NFYC: variants seen among roughly 807,000 people sequenced by gnomAD.
NFYC encodes nuclear transcription factor Y subunit gamma, also known as CAAT box DNA-binding protein subunit C.
A neutral mutation model predicts 53.1 loss-of-function variants in NFYC; 25 were observed. That is an observed-to-expected ratio of 0.47 (90% CI 0.34 to 0.66). NFYC has a LOEUF of 0.66. Among genes scored for constraint, NFYC ranks in the 30% least tolerant of loss-of-function variants. NFYC has a pLI of 0.01. For synonymous variants in NFYC, 145 were observed against 152.6 expected (o/e 0.95, Z 0.37); for missense variants, 260 against 422.7 (o/e 0.62, Z 3.38).
At chr1:40,765,786 G>C (rs1394993518) in intron 7 of NFYC, among the ~76,000 whole-genome samples, 1 of 152,166 alleles carries the variant, frequency 6.6e-6, no homozygotes, top group Non-Finnish European at 1.5e-5. Flanking sequence ...TTCATCCCCA[G>C]CTCAAAACAC....
chr1:40,738,272 A>G (rs1276854008), intron 1 of NFYC, among the ~76,000 whole-genome samples: 1 of 152,058 alleles, frequency 6.6e-6, no homozygotes, highest in East Asian at 1.9e-4. Flanking sequence ...GGCCCAAGTG[A>G]TCCTCCTGGC....
At chr1:40,763,548 TG>T (rs1399416114) in intron 7 of NFYC, 6 of 374,258 alleles carry the variant, frequency 1.6e-5, no homozygotes, top group Middle Eastern at 9.2e-4. Flanking sequence ...GGTTTCACAG[TG>T]TTGGCCAGGC....
In NFYC at chr1:40,766,695, G is replaced by T. The variant is rs1475842217; in HGVS notation, c.820G>T (p.Ala274Ser). Residue 274 changes from alanine (A) to serine (S), a missense_variant, in exon 8 of 10, where the codon GCT becomes TCT. Coordinates refer to ENST00000447388, the MANE Select transcript of NFYC (RefSeq NM_014223.5). ...ACAGATCCAGACACTTGCCACCAAT[G>T]CTCAACAGGTATGTGCCCCAGAGAC... is the stretch of plus-strand genomic sequence containing the variant. ...QGQIQTLATN[A>S]QQITQTEVQQ... 1 of 1,613,724 alleles carries T rather than the reference G, an allele frequency of 6.2e-7. No individual in the cohort carries two copies. The highest frequency in any genetic ancestry group is 2.2e-5 in the East Asian group (1 of 44,886).
chr1:40,767,574 CT>C (rs1355355279), intron 8 of NFYC, among the ~76,000 whole-genome samples: 1 of 152,226 alleles, frequency 6.6e-6, no homozygotes, highest in Admixed American at 6.5e-5. Context: ...GACTCACACC[CT>C]TCCCCCAGCC....
At chr1:40,725,983 G>C (rs1478559997) in intron 1 of NFYC, among the ~76,000 whole-genome samples, 3 of 152,174 alleles carry the variant, frequency 2.0e-5, no homozygotes, top group African/African-American at 7.2e-5. Flanking sequence ...ATTATCATCT[G>C]AACTTGCAGC....
chr1:40,767,327 G>A (rs950158139), intron 8 of NFYC: 1 of 299,454 alleles, frequency 3.3e-6, no homozygotes, highest in Non-Finnish European at 6.5e-6. Context: ...AAAAAGCAGC[G>A]ATCGTTTAAG....
At chr1:40,734,840 C>CT (rs935451531) in intron 1 of NFYC, 3 of 152,176 alleles carry the variant, frequency 2.0e-5, no homozygotes, top group African/African-American at 7.2e-5. Flanking sequence ...AGAAAACATG[C>CT]TTCAAACCTT....
At chr1:40,755,605 G>A (rs781280109) in intron 5 of NFYC, among the ~76,000 whole-genome samples, 6 of 152,172 alleles carry the variant, frequency 3.9e-5, no homozygotes, top group South Asian at 2.1e-4. Flanking sequence ...TTTAAACCAA[G>A]CATAATCATT....
At chr1:40,725,540 A>G (rs1184452021) in intron 1 of NFYC, among the ~76,000 whole-genome samples, 2 of 152,208 alleles carry the variant, frequency 1.3e-5, no homozygotes, top group East Asian at 1.9e-4. Context: ...TGTGATCGAT[A>G]ATAGCATAAG....
chr1:40,707,618 A>G (rs1643765001), intron 1 of NFYC, among the ~76,000 whole-genome samples: 1 of 151,832 alleles, frequency 6.6e-6, no homozygotes, highest in South Asian at 2.1e-4. Context: ...AGCCTGGGCA[A>G]CATGGTGAGA....
chr1:40,722,777 C>G (rs1435961102), intron 1 of NFYC, among the ~76,000 whole-genome samples: 1 of 152,220 alleles, frequency 6.6e-6, no homozygotes, highest in African/African-American at 2.4e-5. Flanking sequence ...ACCCCCAGGT[C>G]CAATACATTT....
chr1:40,747,370 T>A (rs75020203), intron 2 of NFYC, among the ~76,000 whole-genome samples, 164 bp from the exon 3 acceptor site: 2,876 of 152,206 alleles, frequency 0.019, 103 homozygotes, highest in African/African-American at 0.065. Flanking sequence ...TAAAGAAGAA[T>A]TTTGCTCTGG....
chr1:40,717,069 A>G lies in NFYC; in HGVS notation c.-8-21767A>G, dbSNP rs1018544060. Among the ~76,000 whole-genome samples the G allele has an allele frequency of 5.3e-5, 8 of 152,176 alleles. No individual in the cohort carries two copies. In the East Asian group the frequency reaches 7.7e-4, roughly 15 times the overall value. The stretch of plus-strand genomic sequence containing the variant: ...AGGCAGCTTGTACATGAAGGACTGA[A>G]GCTTTGGAGAAATATCAAAATTGGT... On this transcript the variant is annotated intron_variant, in intron 1 of 9. Transcript: ENST00000447388.
intron 5 of NFYC, chr1:40,757,841 G>A: frequency 5.8e-6 from 3 of 519,474 alleles, no homozygotes; most frequent in Non-Finnish European, 1.0e-5. Flanking sequence ...TTTAGTTACG[G>A]TACTTATTTG....
At chr1:40,736,593 G>A (rs887807965) in intron 1 of NFYC, among the ~76,000 whole-genome samples, 16 of 152,082 alleles carry the variant, frequency 1.1e-4, no homozygotes, top group Non-Finnish European at 2.2e-4. Context: ...TCTTAGGAGA[G>A]CACTAAATTT....
At chr1:40,700,730 T>C (rs750594038) in intron 1 of NFYC, among the ~76,000 whole-genome samples, 15 of 152,224 alleles carry the variant, frequency 9.9e-5, no homozygotes, top group Non-Finnish European at 2.2e-4. Context: ...TATTTTTTAA[T>C]TTTTAATAAA....
intron 1 of NFYC, among the ~76,000 whole-genome samples, chr1:40,725,526 C>T (rs1644478850): frequency 6.6e-6 from 1 of 152,152 alleles, no homozygotes; most frequent in Non-Finnish European, 1.5e-5. Flanking sequence ...TGCTTTTTAG[C>T]TGTTGTGATC....
intron 1 of NFYC, among the ~76,000 whole-genome samples, chr1:40,701,880 C>G (rs146435317): frequency 6.6e-6 from 1 of 152,186 alleles, no homozygotes; most frequent in Non-Finnish European, 1.5e-5. Flanking sequence ...GAATAACTAG[C>G]ACGAGGTCAC....
intron 1 of NFYC, among the ~76,000 whole-genome samples, chr1:40,722,869 A>G (rs538482341): frequency 9.4e-4 from 143 of 152,338 alleles, no homozygotes; most frequent in Non-Finnish European, 1.8e-3. Context: ...TAACCTGCCT[A>G]GAGACATGCA....
Sources: gnomAD v4.1 joint callset for allele counts (sites outside exome capture counted in the v4.1 genomes callset) on GRCh38, gnomAD v4.1.1 for gene constraint, MANE v1.5 for transcripts, NCBI Gene and HGNC (gene_info 2026-07-23, HGNC 2026-07-21) for gene names.